The following GRIP1 variants were observed in gnomAD, a reference collection of about 807,000 sequenced individuals.
GRIP1 encodes glutamate receptor-interacting protein 1.
A neutral mutation model predicts 129.9 loss-of-function variants in GRIP1; 45 were observed. That is an observed-to-expected ratio of 0.35 (90% CI 0.27 to 0.44). The LOEUF (loss-of-function observed/expected upper bound fraction) is 0.44, where lower values mean the gene tolerates loss of function less well. Ranked by LOEUF, GRIP1 falls within the 20% of genes least tolerant of loss-of-function variation. The pLI, the probability that GRIP1 is intolerant of heterozygous loss-of-function variation, is 1.00. For synonymous variants in GRIP1, 530 were observed against 520.8 expected (o/e 1.02, Z -0.24); for missense variants, 1,196 against 1,396.8 (o/e 0.86, Z 2.29).
At chr12:67,015,123 A>G (rs1321470626) in intron 1 of GRIP1, among the ~76,000 whole-genome samples, 1 of 152,194 alleles carries the variant, frequency 6.6e-6, no homozygotes, top group East Asian at 1.9e-4. Context: ...CTGAGAGAGA[A>G]AAAAAGCGAG....
intron 1 of GRIP1, among the ~76,000 whole-genome samples, chr12:66,729,500 T>C (rs73128890): frequency 2.0e-4 from 31 of 152,318 alleles, no homozygotes; most frequent in Non-Finnish European, 4.3e-4. Context: ...TCTTCCAATT[T>C]ACAGAATAGA....
At chr12:67,010,548 C>A (rs1263328148) in intron 1 of GRIP1, among the ~76,000 whole-genome samples, 1 of 152,028 alleles carries the variant, frequency 6.6e-6, no homozygotes, top group Non-Finnish European at 1.5e-5. Flanking sequence ...CACTGGCATG[C>A]TAGAATATAC....
intron 5 of GRIP1, among the ~76,000 whole-genome samples, chr12:66,523,153 C>T (rs1157864383): frequency 6.6e-6 from 1 of 151,224 alleles, no homozygotes; most frequent in Non-Finnish European, 1.5e-5. Flanking sequence ...GGCAGGCCAA[C>T]ATTCAGATTC....
intron 13 of GRIP1, among the ~76,000 whole-genome samples, chr12:66,444,258 G>A (rs1020622621): frequency 3.9e-4 from 59 of 151,444 alleles, no homozygotes; most frequent in Admixed American, 1.1e-3. Context: ...AGGCCGAGGC[G>A]GGTGGATCAT....
chr12:66,540,745 C>T (rs886836585), intron 3 of GRIP1, among the ~76,000 whole-genome samples: 1 of 152,096 alleles, frequency 6.6e-6, no homozygotes, highest in African/African-American at 2.4e-5. Context: ...TATTGGTGGC[C>T]AGAATTTAAG....
At chr12:67,053,254 C>T (rs1342685146) in intron 1 of GRIP1, among the ~76,000 whole-genome samples, 1 of 152,072 alleles carries the variant, frequency 6.6e-6, no homozygotes, top group Admixed American at 6.6e-5. Flanking sequence ...TTCTGATATT[C>T]CAAAGCTGGG....
intron 1 of GRIP1, among the ~76,000 whole-genome samples, chr12:66,845,891 G>A (rs921195326): frequency 3.9e-5 from 6 of 152,208 alleles, no homozygotes; most frequent in Admixed American, 2.0e-4. Context: ...TTCGAGGGTG[G>A]AATAATTTGG....
At chr12:66,900,498 A>T (rs2040827344) in intron 1 of GRIP1, among the ~76,000 whole-genome samples, 3 of 152,132 alleles carry the variant, frequency 2.0e-5, no homozygotes, top group Non-Finnish European at 4.4e-5. Context: ...AAAAGTAAGT[A>T]TCTTTTGCTT....
At chr12:67,040,396 C>A (rs555590388) in intron 1 of GRIP1, among the ~76,000 whole-genome samples, 2 of 152,304 alleles carry the variant, frequency 1.3e-5, no homozygotes, top group South Asian at 4.1e-4. Context: ...TTCAAGTGAT[C>A]TTTCTGTGCC....
chr12:66,401,543 C>T (rs2056988631), intron 16 of GRIP1, among the ~76,000 whole-genome samples: 1 of 149,304 alleles, frequency 6.7e-6, no homozygotes, highest in South Asian at 2.1e-4. Flanking sequence ...TGTGCCATTG[C>T]ACTCCAGCCT....
At chr12:66,448,332 T>C (rs979302448) in intron 11 of GRIP1, among the ~76,000 whole-genome samples, 3 of 152,202 alleles carry the variant, frequency 2.0e-5, no homozygotes, top group Admixed American at 1.3e-4. Context: ...ATTCTATCCA[T>C]TGCTAAATCC....
At chr12:66,931,462 A>C (rs1263718958) in intron 1 of GRIP1, among the ~76,000 whole-genome samples, 1 of 152,244 alleles carries the variant, frequency 6.6e-6, no homozygotes, top group Non-Finnish European at 1.5e-5. Flanking sequence ...AAACTAGGGC[A>C]TGCTTGTTGA....
At chr12:66,831,643 C>A (rs975303026) in intron 1 of GRIP1, among the ~76,000 whole-genome samples, 21 of 152,294 alleles carry the variant, frequency 1.4e-4, no homozygotes, top group Admixed American at 1.4e-3. Context: ...TTGCTGTGGT[C>A]ACACAGCTGG....
chr12:66,829,375 C>A (rs139513045), intron 1 of GRIP1, among the ~76,000 whole-genome samples: 2 of 152,234 alleles, frequency 1.3e-5, no homozygotes, highest in Non-Finnish European at 2.9e-5. Flanking sequence ...GGAAATGGGA[C>A]CCTGCTGACA....
intron 1 of GRIP1, among the ~76,000 whole-genome samples, chr12:66,990,288 TTC>T (rs2042375122): frequency 6.6e-6 from 1 of 152,246 alleles, no homozygotes; most frequent in Non-Finnish European, 1.5e-5. Context: ...GAAATTTTGG[TTC>T]TTGTTTCAAA....
At chr12:66,502,748 G>A (rs1248394288) in intron 7 of GRIP1, among the ~76,000 whole-genome samples, 2 of 152,176 alleles carry the variant, frequency 1.3e-5, no homozygotes, top group Non-Finnish European at 2.9e-5. Context: ...AAGATGCCAA[G>A]TATATGCTGA....
intron 1 of GRIP1, among the ~76,000 whole-genome samples, chr12:67,022,044 A>G (rs1298691089): frequency 6.6e-5 from 10 of 152,088 alleles, no homozygotes; most frequent in Admixed American, 6.6e-4. Context: ...TTCTTCATCC[A>G]TTCATCTGTT....
intron 1 of GRIP1, among the ~76,000 whole-genome samples, chr12:66,867,286 A>G (rs1462421441): frequency 1.3e-5 from 2 of 152,030 alleles, no homozygotes; most frequent in Non-Finnish European, 2.9e-5. Flanking sequence ...ATAGTGCCCA[A>G]TCTCATATTT....
At chr12:66,831,837 C>G (rs1373721981) in intron 1 of GRIP1, among the ~76,000 whole-genome samples, 1 of 149,996 alleles carries the variant, frequency 6.7e-6, no homozygotes, top group African/African-American at 2.4e-5. Context: ...AACAATAGTA[C>G]CTACCACCTA....
Sources: gnomAD v4.1 joint callset for allele counts (sites outside exome capture counted in the v4.1 genomes callset) on GRCh38, gnomAD v4.1.1 for gene constraint, MANE v1.5 for transcripts, NCBI Gene and HGNC (gene_info 2026-07-23, HGNC 2026-07-21) for gene names.